SPIDR: variants seen among roughly 807,000 people sequenced by gnomAD.
The protein encoded by SPIDR is scaffold protein involved in DNA repair, also known as DNA repair-scaffolding protein.
Under a neutral mutation model 104.6 loss-of-function variants are expected in SPIDR, and 93 were observed. The observed-to-expected ratio is 0.89, with a 90% CI of 0.75 to 1.06. The LOEUF (loss-of-function observed/expected upper bound fraction) is 1.06. Ranked by LOEUF, SPIDR falls within the 50% of genes least tolerant of loss-of-function variation. The probability of loss-of-function intolerance (pLI) is 0.00; values close to 1 mark genes in which losing one functional copy is unlikely to be tolerated. For missense variants in SPIDR, 1,154 were observed against 1,111.2 expected (o/e 1.04, Z -0.55); for synonymous variants, 431 against 416.9 (o/e 1.03, Z -0.41).
At chr8:47,568,029 G>A (rs796485845) in intron 8 of SPIDR, among the ~76,000 whole-genome samples, 2 of 152,006 alleles carry the variant, frequency 1.3e-5, no homozygotes, top group South Asian at 4.1e-4. Context: ...CTCCCCGCCA[G>A]CCTCCCAGAG....
intron 14 of SPIDR, among the ~76,000 whole-genome samples, chr8:47,709,260 C>T (rs2081506898): frequency 2.0e-5 from 3 of 152,208 alleles, no homozygotes; most frequent in South Asian, 4.1e-4. Context: ...CCTGTCTCCA[C>T]CTCCCGAGTA....
In SPIDR at chr8:47,402,842, A is replaced by C. The variant is rs562276376; in HGVS notation, c.777-5019A>C. ...AATAGAAAAAGAGAGAATGCTCTCT[A>C]ATTCATTTTATGAGGCCAGCATCAT... is the stretch of plus-strand genomic sequence containing the variant. On this transcript the variant is annotated intron_variant, in intron 6 of 19. Coordinates refer to ENST00000297423, the MANE Select transcript of SPIDR (RefSeq NM_001080394.4). Among the ~76,000 whole-genome samples the C allele has an allele frequency of 1.5e-3, 234 of 152,336 alleles. 2 individuals are homozygous for C. Among genetic ancestry groups the C allele is most frequent in the Non-Finnish European group, 2.3e-3 (159 of 68,020 alleles).
rs778954729 is a variant in SPIDR at position 47,701,963 on chromosome 8, A to G, written c.1925A>G (p.Asp642Gly). 21 of 1,614,040 alleles carry G rather than the reference A, an allele frequency of 1.3e-5. No homozygotes were observed. Among genetic ancestry groups the G allele is most frequent in the Non-Finnish European group, 1.8e-5 (21 of 1,180,032 alleles). Residue 642 changes from aspartate to glycine, a missense_variant, in exon 14 of 20, where the codon GAT becomes GGT. Coordinates refer to ENST00000297423, the MANE Select transcript of SPIDR (RefSeq NM_001080394.4). ...RCLRDILQMN[D>G]LGTRCSFYAT... ...TTTCTAATTCCTTTCCAGATGAATGATCTTGGTACCCGTTGCAGTTTCTAT... is the reference window on the plus strand; with the variant it reads ...TTTCTAATTCCTTTCCAGATGAATGGTCTTGGTACCCGTTGCAGTTTCTAT...
intron 5 of SPIDR, among the ~76,000 whole-genome samples, chr8:47,331,464 GTTAT>G (rs1404043778): frequency 7.9e-5 from 12 of 152,124 alleles, no homozygotes; most frequent in Admixed American, 3.9e-4. Flanking sequence ...CACAAAGGTA[GTTAT>G]TTATGTATCT....
intron 8 of SPIDR, among the ~76,000 whole-genome samples, chr8:47,468,176 C>T (rs1162915746): frequency 6.6e-6 from 1 of 152,088 alleles, no homozygotes; most frequent in Non-Finnish European, 1.5e-5. Flanking sequence ...ACGAGTACTA[C>T]AAAACACTGC....
chr8:47,336,376 C>A (rs2049748417), intron 5 of SPIDR, among the ~76,000 whole-genome samples: 1 of 152,144 alleles, frequency 6.6e-6, no homozygotes, highest in Admixed American at 6.5e-5. Context: ...GTGACTGAGA[C>A]AAAGAGTATT....
intron 5 of SPIDR, among the ~76,000 whole-genome samples, chr8:47,355,761 C>G (rs1352636420): frequency 6.6e-6 from 1 of 152,156 alleles, no homozygotes; most frequent in African/African-American, 2.4e-5. Context: ...AATATTTATT[C>G]ATTGTTCTTC....
chr8:47,520,293 G>A (rs138174112), intron 8 of SPIDR, among the ~76,000 whole-genome samples: 2 of 152,230 alleles, frequency 1.3e-5, no homozygotes, highest in Non-Finnish European at 2.9e-5. Context: ...TCAGTTGAAC[G>A]TGTGTAAGCC....
At chr8:47,702,928 G>A (rs1460881496) in intron 14 of SPIDR, among the ~76,000 whole-genome samples, 1 of 152,212 alleles carries the variant, frequency 6.6e-6, no homozygotes, top group Non-Finnish European at 1.5e-5. Context: ...CAGTCTCAAG[G>A]GAGGGCAGGA....
rs114062265 is a variant in SPIDR, at chr8:47,364,342, G to C, written c.526-32034G>C. ...TGTATTCTGCAGCTGGAGCCTCCTG[G>C]TAGCTCCCAGCTGAAGTTCACCTGG... On this transcript the variant is annotated intron_variant, in intron 5 of 19. Transcript: ENST00000297423. 7.2e-3 allele frequency among the ~76,000 whole-genome samples: 1,098 copies of C among 152,250 alleles called. 9 individuals are homozygous for C. Among genetic ancestry groups the C allele is most frequent in the African/African-American group, 0.025 (1,049 of 41,544 alleles).
intron 8 of SPIDR, among the ~76,000 whole-genome samples, chr8:47,484,629 A>G (rs1554729506): frequency 6.6e-6 from 1 of 152,246 alleles, no homozygotes; most frequent in African/African-American, 2.4e-5. Context: ...AGTTCTGGGC[A>G]TATAAAAGCA....
At position 47,735,935 on chromosome 8, in the gene SPIDR, T is replaced by C. The variant is rs2086201308; in HGVS notation, c.*485T>C. 8.6e-6 allele frequency: 2 copies of C among 232,196 alleles called. No homozygotes were observed. Among genetic ancestry groups the C allele is most frequent in the Non-Finnish European group, 1.7e-5 (2 of 115,766 alleles). The allele number at this position is 232,196 out of a possible 1,614,324, so 14.4% of individuals were successfully genotyped here. A position where few individuals can be genotyped will look rare whatever the true frequency, so the allele number is the denominator to read the frequency against. ...CTAAGCACTTTGCAGTTCACTACTT[T>C]TGGGAAAATGTTCTAGGGAACTGTA... On this transcript the variant is annotated 3_prime_UTR_variant, in exon 20 of 20. Coordinates refer to ENST00000297423, the MANE Select transcript of SPIDR (RefSeq NM_001080394.4).
intron 14 of SPIDR, 32 bp downstream of exon 14, chr8:47,702,047 AGCCT>A: frequency 7.0e-7 from 1 of 1,433,730 alleles, no homozygotes; most frequent in Non-Finnish European, 9.3e-7. Context: ...TCAATCTCTC[AGCCT>A]TTCTCTCTCT....
intron 5 of SPIDR, among the ~76,000 whole-genome samples, chr8:47,375,233 CTTTTTT>C (rs869038432): frequency 1.9e-5 from 1 of 53,346 alleles, no homozygotes; most frequent in Non-Finnish European, 3.5e-5. Flanking sequence ...AGTTAATAGG[CTTTTTT>C]TTTTTTTTTT....
intron 14 of SPIDR, among the ~76,000 whole-genome samples, chr8:47,711,972 G>A (rs1267292843): frequency 1.3e-5 from 2 of 152,126 alleles, no homozygotes; most frequent in East Asian, 1.9e-4. Flanking sequence ...CACACCGTCT[G>A]TGCCAGCAAC....
intron 8 of SPIDR, among the ~76,000 whole-genome samples, chr8:47,519,093 A>G (rs1325173478): frequency 6.6e-6 from 1 of 152,140 alleles, no homozygotes; most frequent in East Asian, 1.9e-4. Flanking sequence ...AAAATGATAG[A>G]GTGGACAGTT....
At chr8:47,443,351 T>C (rs563289218) in intron 8 of SPIDR, among the ~76,000 whole-genome samples, 18 of 152,042 alleles carry the variant, frequency 1.2e-4, no homozygotes, top group African/African-American at 4.3e-4. Context: ...AGGTGGGTCA[T>C]TTGAGGTCAG....
intron 8 of SPIDR, among the ~76,000 whole-genome samples, chr8:47,496,714 T>C (rs118051147): frequency 0.026 from 3,775 of 142,460 alleles, 280 homozygotes; most frequent in Admixed American, 0.15. Flanking sequence ...ATGAATTCCC[T>C]ACTCTTTTTT....
At chr8:47,615,146 C>T (rs1015628763) in intron 10 of SPIDR, among the ~76,000 whole-genome samples, 17 of 151,806 alleles carry the variant, frequency 1.1e-4, no homozygotes, top group Admixed American at 1.0e-3. Context: ...TTATAGCTCA[C>T]TGCAGCCTCA....
Sources: gnomAD v4.1 joint callset for allele counts (sites outside exome capture counted in the v4.1 genomes callset) on GRCh38, gnomAD v4.1.1 for gene constraint, MANE v1.5 for transcripts, NCBI Gene and HGNC (gene_info 2026-07-23, HGNC 2026-07-21) for gene names.